Variants in RBFOX1 observed in about 807,000 individuals in gnomAD.
The protein encoded by RBFOX1 is RNA binding protein fox-1 homolog 1.
A neutral mutation model predicts 57.7 loss-of-function variants in RBFOX1; 8 were observed. That is an observed-to-expected ratio of 0.14 (90% CI 0.08 to 0.25). RBFOX1 has a LOEUF of 0.25. Among genes scored for constraint, RBFOX1 ranks in the 10% least tolerant of loss-of-function variants. The pLI is 1.00. For synonymous variants in RBFOX1, 326 were observed against 222.4 expected (o/e 1.47, Z -4.15); for missense variants, 611 against 548.5 (o/e 1.11, Z -1.14).
chr16:6,778,353 C>G (rs1349137414), intron 3 of RBFOX1, among the ~76,000 whole-genome samples: 1 of 152,150 alleles, frequency 6.6e-6, no homozygotes, highest in Non-Finnish European at 1.5e-5. Flanking sequence ...ATAATTAAAA[C>G]TCATAGCCAA....
intron 3 of RBFOX1, among the ~76,000 whole-genome samples, chr16:5,676,261 A>T (rs1351361950): frequency 6.6e-6 from 1 of 152,194 alleles, no homozygotes; most frequent in Non-Finnish European, 1.5e-5. Context: ...ATAAAAAAAA[A>T]AAATAAAGGA....
intron 4 of RBFOX1, among the ~76,000 whole-genome samples, chr16:7,250,538 C>T (rs1369792430): frequency 6.6e-6 from 1 of 152,206 alleles, no homozygotes. Context: ...TTTTTATCCC[C>T]TCCCTCCAAG....
At chr16:5,538,861 C>A (rs1196378619) in intron 2 of RBFOX1, among the ~76,000 whole-genome samples, 1 of 152,124 alleles carries the variant, frequency 6.6e-6, no homozygotes, top group Non-Finnish European at 1.5e-5. Flanking sequence ...CTCCTGACAT[C>A]ATGATCTGCC....
At chr16:5,917,215 C>A (rs1261608991) in intron 4 of RBFOX1, among the ~76,000 whole-genome samples, 1 of 152,176 alleles carries the variant, frequency 6.6e-6, no homozygotes, top group Non-Finnish European at 1.5e-5. Context: ...TGAATCCACA[C>A]CCCAGAGGAG....
At chr16:7,270,440 A>G (rs533905031) in intron 4 of RBFOX1, among the ~76,000 whole-genome samples, 1 of 152,356 alleles carries the variant, frequency 6.6e-6, no homozygotes, top group Non-Finnish European at 1.5e-5. Context: ...ACCATCGGGC[A>G]GATTCAGACC....
intron 2 of RBFOX1, among the ~76,000 whole-genome samples, chr16:6,549,508 A>AGAGGAGGAGGAGAGGAGG (rs2096952024): frequency 1.9e-5 from 1 of 52,894 alleles, no homozygotes; most frequent in African/African-American, 7.2e-5. Flanking sequence ...GAGGAGGGGA[A>AGAGGAGGAGGAGAGGAGG]GAGGAGGAGG....
chr16:7,358,672 G>A (rs1255042485), intron 4 of RBFOX1, among the ~76,000 whole-genome samples: 3 of 152,052 alleles, frequency 2.0e-5, no homozygotes, highest in Non-Finnish European at 4.4e-5. Context: ...CACCCACCTC[G>A]GCCTCCCAAA....
chr16:7,647,862 A>G (rs901949666), intron 11 of RBFOX1, among the ~76,000 whole-genome samples: 1 of 152,204 alleles, frequency 6.6e-6, no homozygotes, highest in Non-Finnish European at 1.5e-5. Context: ...GATAGATGAC[A>G]TAACTCTCAC....
chr16:6,169,020 G>A (rs1281810531), intron 1 of RBFOX1, among the ~76,000 whole-genome samples: 1 of 152,016 alleles, frequency 6.6e-6, no homozygotes, highest in African/African-American at 2.4e-5. Flanking sequence ...TGAAAAGCAG[G>A]CCTTCTCATT....
chr16:7,259,512 G>A (rs906244739), intron 4 of RBFOX1, among the ~76,000 whole-genome samples: 1 of 151,306 alleles, frequency 6.6e-6, no homozygotes. Context: ...TGAACACTGG[G>A]AACATCATTT....
intron 4 of RBFOX1, among the ~76,000 whole-genome samples, chr16:7,377,261 A>T (rs74010691): frequency 6.6e-6 from 1 of 152,316 alleles, no homozygotes; most frequent in South Asian, 2.1e-4. Context: ...GTGACCTCCA[A>T]TGCTCCTGGA....
At position 7,440,882 on chromosome 16, in the gene RBFOX1, C is replaced by T. The variant is rs907660364; in HGVS notation, c.28-77265C>T. 5.3e-5 allele frequency among the ~76,000 whole-genome samples: 8 copies of T among 152,116 alleles called. No individual in the cohort carries two copies. In the South Asian group the frequency reaches 1.0e-3, roughly 20 times the overall value. On this transcript the variant is annotated intron_variant, in intron 4 of 15. Coordinates refer to ENST00000550418, the MANE Select transcript of RBFOX1 (RefSeq NM_018723.4). ...TAATATGCCAACTTCTGATATAGTA[C>T]AGCTCAATTAGCCTGGCATGGTTGT...
chr16:6,726,943 T>G (rs1379605461), intron 3 of RBFOX1, among the ~76,000 whole-genome samples: 1 of 151,906 alleles, frequency 6.6e-6, no homozygotes, highest in East Asian at 1.9e-4. Flanking sequence ...ATTAACACTT[T>G]CTAATGGCAC....
intron 1 of RBFOX1, among the ~76,000 whole-genome samples, chr16:6,264,290 C>G (rs1446208416): frequency 1.3e-5 from 2 of 152,166 alleles, no homozygotes; most frequent in Non-Finnish European, 2.9e-5. Flanking sequence ...GTTTCCATAA[C>G]CATGCCATAT....
intron 2 of RBFOX1, among the ~76,000 whole-genome samples, chr16:6,625,744 A>C (rs1349670334): frequency 6.6e-6 from 1 of 151,970 alleles, no homozygotes; most frequent in Non-Finnish European, 1.5e-5. Context: ...TTTTCAATCC[A>C]GTGAGCCTCA....
intron 2 of RBFOX1, among the ~76,000 whole-genome samples, chr16:5,476,326 T>A (rs577329168): frequency 6.6e-6 from 1 of 152,352 alleles, no homozygotes; most frequent in South Asian, 2.1e-4. Context: ...TCGGTAAATC[T>A]GGAGTGAGAC....
chr16:7,548,610 G>T (rs2085325658), intron 5 of RBFOX1, among the ~76,000 whole-genome samples: 1 of 152,224 alleles, frequency 6.6e-6, no homozygotes, highest in South Asian at 2.1e-4. Context: ...TTGCACGGAT[G>T]AGCAGGATGC....
At chr16:7,288,670 A>G (rs1202776350) in intron 4 of RBFOX1, among the ~76,000 whole-genome samples, 2 of 152,166 alleles carry the variant, frequency 1.3e-5, no homozygotes, top group Non-Finnish European at 1.5e-5. Flanking sequence ...GTGAAATGCC[A>G]TCTCTACTAA....
At chr16:6,283,780 G>A (rs1237645451) in intron 1 of RBFOX1, among the ~76,000 whole-genome samples, 1 of 152,150 alleles carries the variant, frequency 6.6e-6, no homozygotes, top group Non-Finnish European at 1.5e-5. Context: ...ATTAGAAATT[G>A]TATATCTGGG....
Sources: gnomAD v4.1 joint callset for allele counts (sites outside exome capture counted in the v4.1 genomes callset) on GRCh38, gnomAD v4.1.1 for gene constraint, MANE v1.5 for transcripts, NCBI Gene and HGNC (gene_info 2026-07-23, HGNC 2026-07-21) for gene names.